Variants in MLIP observed in about 807,000 individuals in gnomAD.
The protein encoded by MLIP is muscular LMNA-interacting protein.
MLIP carries 79 observed loss-of-function variants against 84.8 expected under a neutral mutation model. That is an observed-to-expected ratio of 0.93 (90% CI 0.78 to 1.12). MLIP has a LOEUF of 1.12. MLIP is among the 50% of genes most tolerant of loss of function. The probability of loss-of-function intolerance (pLI) is 0.00; values close to 1 mark genes in which losing one functional copy is unlikely to be tolerated. For missense variants in MLIP, 1,257 were observed against 1,160.6 expected (o/e 1.08, Z -1.21); for synonymous variants, 504 against 463.0 (o/e 1.09, Z -1.14).
chr6:54,108,319 T>C (rs754454840), upstream of MLIP, among the ~76,000 whole-genome samples: 7 of 152,320 alleles, frequency 4.6e-5, no homozygotes, highest in East Asian at 5.8e-4. Context: ...TTTTTGTCTA[T>C]AGAAAAGTTG....
intron 10 of MLIP, among the ~76,000 whole-genome samples, chr6:54,200,137 C>G (rs540341783): frequency 7.2e-5 from 11 of 152,126 alleles, no homozygotes; most frequent in Non-Finnish European, 1.6e-4. Flanking sequence ...CCAGAAGAGT[C>G]TCTCTTCTGA....
At chr6:54,236,168 A>C (rs969429240) in intron 12 of MLIP, among the ~76,000 whole-genome samples, 1 of 152,236 alleles carries the variant, frequency 6.6e-6, no homozygotes, top group Non-Finnish European at 1.5e-5. Context: ...TTGTAACCCC[A>C]AATCAGCACT....
chr6:54,028,597 T>C (rs976765009), intron 1 of MLIP, among the ~76,000 whole-genome samples: 2 of 152,222 alleles, frequency 1.3e-5, no homozygotes, highest in African/African-American at 4.8e-5. Flanking sequence ...TTTTTCCACT[T>C]GAACTCAGCT....
intron 10 of MLIP, among the ~76,000 whole-genome samples, chr6:54,199,288 A>G (rs1778510674): frequency 6.6e-6 from 1 of 152,164 alleles, no homozygotes; most frequent in South Asian, 2.1e-4. Context: ...CATGATGATC[A>G]CACCAAACAT....
At position 54,102,645 on chromosome 6, in the gene MLIP, A is replaced by G. The variant is rs532729508; in HGVS notation, c.64-18802A>G. ...TGACAGATCCTGAAATCCTTGAAACAGAAATCCCTCCTGTCCTCTCTGAAT... is the reference window on the plus strand; with the variant it reads ...TGACAGATCCTGAAATCCTTGAAACGGAAATCCCTCCTGTCCTCTCTGAAT... On this transcript the variant is annotated intron_variant, in intron 1 of 12. Coordinates refer to the MLIP transcript ENST00000274897. 5.9e-5 allele frequency among the ~76,000 whole-genome samples: 9 copies of G among 152,316 alleles called. No individual in the cohort carries two copies. The South Asian group carries it at 1.9e-3, about 32-fold the overall frequency.
intron 12 of MLIP, 45 bp downstream of exon 12, chr6:54,230,962 C>T (rs371673953): frequency 2.6e-6 from 4 of 1,542,368 alleles, no homozygotes; most frequent in Non-Finnish European, 3.6e-6. Flanking sequence ...TTCTGTGAAC[C>T]TTCATTACGC....
intron 9 of MLIP, among the ~76,000 whole-genome samples, chr6:54,182,745 A>C (rs1301100858): frequency 2.6e-5 from 4 of 152,222 alleles, no homozygotes; most frequent in African/African-American, 9.6e-5. Flanking sequence ...TAAATTCATC[A>C]CATTTATATA....
Position 54,235,203 on chromosome 6 carries a change from C to T in MLIP, c.2922+4286C>T, listed in dbSNP as rs534559491. 2.7e-3 allele frequency among the ~76,000 whole-genome samples: 415 copies of T among 152,294 alleles called. 5 individuals are homozygous for T. The highest frequency in any genetic ancestry group is 9.1e-3 in the African/African-American group (379 of 41,556). On this transcript the variant is annotated intron_variant, in intron 12 of 13. Transcript: ENST00000502396. Reference sequence around the variant, plus strand: ...AGTTGAATGCGTTCTTATATTTTCTCACACTAGTCTTTATTATTATTCTTT... The same window carrying T: ...AGTTGAATGCGTTCTTATATTTTCTTACACTAGTCTTTATTATTATTCTTT...
chr6:54,109,575 T>TACTTGCTATTCCATC (rs1554150326), upstream of MLIP, among the ~76,000 whole-genome samples: 6 of 152,050 alleles, frequency 3.9e-5, no homozygotes, highest in African/African-American at 1.4e-4. Flanking sequence ...TTGCTTGAAA[T>TACTTGCTATTCCATC]ACTTGCTATT....
At chr6:54,078,395 C>A (rs1766931750) in intron 1 of MLIP, among the ~76,000 whole-genome samples, 1 of 152,134 alleles carries the variant, frequency 6.6e-6, no homozygotes, top group Non-Finnish European at 1.5e-5. Context: ...AGCTCAAGAC[C>A]AGCCTGGGCA....
At position 54,081,811 on chromosome 6, in the gene MLIP, A is replaced by G. The variant is rs904282318; in HGVS notation, c.64-39636A>G. Among the ~76,000 whole-genome samples, 7 of 152,032 alleles carry G rather than the reference A, an allele frequency of 4.6e-5. No homozygotes were observed. The East Asian group carries it at 1.2e-3, about 25-fold the overall frequency. The stretch of plus-strand genomic sequence containing the variant: ...TACTCACCTTCATTTTATTAATTTT[A>G]CTTTCATTGTTCTTTATCTTTAAGT... On this transcript the variant is annotated intron_variant, in intron 1 of 12. Transcript: ENST00000274897.
At chr6:54,047,213 CA>C (rs1323530108) in intron 1 of MLIP, 1 of 152,068 alleles carries the variant, frequency 6.6e-6, no homozygotes, top group Non-Finnish European at 1.5e-5. Flanking sequence ...ATGGGTGTTA[CA>C]GAAACAAAAT....
chr6:54,099,378 A>AT (rs67738341), intron 1 of MLIP, among the ~76,000 whole-genome samples: 10 of 151,896 alleles, frequency 6.6e-5, no homozygotes, highest in South Asian at 2.1e-4. Flanking sequence ...TGAAACAATG[A>AT]TTTTTTTTGT....
intron 10 of MLIP, among the ~76,000 whole-genome samples, chr6:54,195,908 C>G (rs2754803): frequency 0.91 from 138,636 of 152,196 alleles, 64,496 homozygotes; most frequent in East Asian, 1. Context: ...AGAAAAACAA[C>G]AATTTATTTT....
rs115232218 is a variant in MLIP at position 54,050,207 on chromosome 6, A to G, written c.63+31116A>G. 7.8e-3 allele frequency among the ~76,000 whole-genome samples: 1,188 copies of G among 152,266 alleles called. 13 individuals are homozygous for G. Among genetic ancestry groups the G allele is most frequent in the Middle Eastern group, 0.027 (8 of 294 alleles). On this transcript the variant is annotated intron_variant, in intron 1 of 12. Coordinates refer to the MLIP transcript ENST00000274897. ...ACCTAAGTATATACACATACATATT[A>G]TTTTTACTTTATAAAAGTAATACAT...
chr6:54,205,065 G>A (rs1017069736), intron 11 of MLIP, among the ~76,000 whole-genome samples: 3 of 152,144 alleles, frequency 2.0e-5, no homozygotes, highest in Non-Finnish European at 4.4e-5. Flanking sequence ...CCTGGGAAAC[G>A]GCATGTACTG....
chr6:54,082,124 G>A (rs1259956673), intron 1 of MLIP, among the ~76,000 whole-genome samples: 1 of 151,922 alleles, frequency 6.6e-6, no homozygotes, highest in Non-Finnish European at 1.5e-5. Context: ...TTTGTAATTT[G>A]ATTATTTTTA....
Position 54,174,406 on chromosome 6 carries a change from C to T in MLIP, c.2544+4834C>T, listed in dbSNP as rs373129512. On this transcript the variant is annotated intron_variant, in intron 9 of 13. Transcript: ENST00000502396. ...TCCCTTTTCTCCACATGCTCATAAGCTTTCTTATTGCCTGTCTTTTGGATT... is the reference window on the plus strand; with the variant it reads ...TCCCTTTTCTCCACATGCTCATAAGTTTTCTTATTGCCTGTCTTTTGGATT... Among the ~76,000 whole-genome samples the T allele has an allele frequency of 6.6e-5, 10 of 152,012 alleles. No homozygotes were observed. In the East Asian group the frequency reaches 7.7e-4, roughly 12 times the overall value.
chr6:54,036,646 A>C (rs1582003085), intron 1 of MLIP, among the ~76,000 whole-genome samples: 1 of 152,150 alleles, frequency 6.6e-6, no homozygotes, highest in Non-Finnish European at 1.5e-5. Context: ...GGGAATATGA[A>C]TTGGTACAAT....
Sources: gnomAD v4.1 joint callset for allele counts (sites outside exome capture counted in the v4.1 genomes callset) on GRCh38, gnomAD v4.1.1 for gene constraint, MANE v1.5 for transcripts, NCBI Gene and HGNC (gene_info 2026-07-23, HGNC 2026-07-21) for gene names.